Variants in RANBP2 observed in about 807,000 individuals in gnomAD.
RANBP2 encodes the protein RAN binding protein 2.
RANBP2 carries 57 observed loss-of-function variants against 303.6 expected under a neutral mutation model. The observed-to-expected ratio is 0.19, with a 90% CI of 0.15 to 0.23. The LOEUF (loss-of-function observed/expected upper bound fraction) is 0.23, where lower values mean the gene tolerates loss of function less well. Among genes scored for constraint, RANBP2 ranks in the 10% least tolerant of loss-of-function variants. RANBP2 has a pLI of 1.00. For synonymous variants in RANBP2, 1,167 were observed against 1,301.5 expected (o/e 0.90, Z 2.23); for missense variants, 3,138 against 3,780.8 (o/e 0.83, Z 4.46).
chr2:109,016,227 G>A, the RANBP2 span, among the ~76,000 whole-genome samples: 1 of 151,852 alleles, frequency 6.6e-6, no homozygotes, highest in Non-Finnish European at 1.5e-5. Context: ...GACTACAGGC[G>A]CCGGCCACCA....
the RANBP2 span, among the ~76,000 whole-genome samples, chr2:109,726,099 T>TGTG: frequency 5.7e-4 from 38 of 66,106 alleles, no homozygotes; most frequent in South Asian, 1.1e-3. Flanking sequence ...GTGTGTGTGT[T>TGTG]TGTGTTTTCC....
the RANBP2 span, among the ~76,000 whole-genome samples, chr2:109,248,929 C>CTTGCT: frequency 6.6e-6 from 1 of 150,894 alleles, no homozygotes; most frequent in African/African-American, 2.4e-5. Flanking sequence ...CCTGTCCTGT[C>CTTGCT]CTGTCTTGCT....
At chr2:109,243,053 A>G in the RANBP2 span, among the ~76,000 whole-genome samples, 1 of 152,344 alleles carries the variant, frequency 6.6e-6, no homozygotes, top group South Asian at 2.1e-4. Context: ...ATTTGTGAGA[A>G]CAATGAAATC....
the RANBP2 span, among the ~76,000 whole-genome samples, chr2:109,475,009 C>T: frequency 2.6e-4 from 40 of 152,046 alleles, no homozygotes; most frequent in African/African-American, 8.7e-4. Flanking sequence ...GACGGAGTCT[C>T]GCTGTGTCAC....
chr2:109,297,708 GC>G, the RANBP2 span, among the ~76,000 whole-genome samples: 1 of 143,962 alleles, frequency 6.9e-6, no homozygotes, highest in South Asian at 2.2e-4. Context: ...TTCTGCCCAT[GC>G]CCCCCAACTG....
At chr2:109,454,826 A>C in the RANBP2 span, among the ~76,000 whole-genome samples, 2 of 152,088 alleles carry the variant, frequency 1.3e-5, no homozygotes, top group Non-Finnish European at 2.9e-5. Context: ...AGCCCATAGA[A>C]GGCACCTGGT....
At chr2:108,861,472 C>CTTTTTTTTTTTTTTTTT in the RANBP2 span, among the ~76,000 whole-genome samples, 8 of 123,518 alleles carry the variant, frequency 6.5e-5, 2 homozygotes, top group African/African-American at 1.9e-4. Flanking sequence ...AACTTTCTTC[C>CTTTTTTTTTTTTTTTTT]TTTTTTTTTT....
the RANBP2 span, among the ~76,000 whole-genome samples, chr2:108,912,379 T>G: frequency 6.6e-6 from 1 of 152,200 alleles, no homozygotes; most frequent in African/African-American, 2.4e-5. Flanking sequence ...CCAGGACGCC[T>G]GGTCTCTCCT....
chr2:109,335,789 T>G, the RANBP2 span, among the ~76,000 whole-genome samples: 1 of 152,224 alleles, frequency 6.6e-6, no homozygotes, highest in Non-Finnish European at 1.5e-5. Context: ...ATAAATGTCC[T>G]AAAACCACTT....
chr2:108,772,797 A>G, intron 22 of RANBP2, 71 bp from the exon 23 acceptor site: 1 of 1,503,536 alleles, frequency 6.7e-7, no homozygotes, highest in East Asian at 2.3e-5. Flanking sequence ...GATTATGTTG[A>G]TGACTACCAT....
chr2:108,914,089 C>T, the RANBP2 span, among the ~76,000 whole-genome samples: 4 of 151,726 alleles, frequency 2.6e-5, no homozygotes, highest in Non-Finnish European at 5.9e-5. Flanking sequence ...GGTGAAACCG[C>T]ATCTCTACTG....
chr2:108,773,663 G>C lies in RANBP2; in HGVS notation c.8292+617G>C, dbSNP rs186410598. Among the ~76,000 whole-genome samples, 487 of 149,928 alleles carry C rather than the reference G, an allele frequency of 3.2e-3. 3 individuals are homozygous for C. Among genetic ancestry groups the C allele is most frequent in the African/African-American group, 0.011 (457 of 40,826 alleles). On this transcript the variant is annotated intron_variant, in intron 23 of 28. Coordinates refer to ENST00000283195, the MANE Select transcript of RANBP2 (RefSeq NM_006267.5). ...CTCCAGGAATTTTTTTTTTTTTTGG[G>C]GGGGGATGGAGTTTCGCTCTGTCGC...
At chr2:109,288,634 T>C in the RANBP2 span, among the ~76,000 whole-genome samples, 7 of 152,254 alleles carry the variant, frequency 4.6e-5, no homozygotes, top group Non-Finnish European at 8.8e-5. Context: ...CAAGTCATTG[T>C]CACCCAAGGA....
chr2:108,755,042 G>T lies in RANBP2; in HGVS notation c.2340G>T (p.Pro780=), dbSNP rs2912839. 204 of 1,611,808 alleles carry T rather than the reference G, an allele frequency of 1.3e-4. 1 individual carries two copies. The South Asian group carries it at 2.0e-3, about 16-fold the overall frequency. ...NADSEIKHST[P]SPTRYSLSPS... ...ATTCAGAAATAAAACATTCTACACC[G>T]TCTCCTACCAGATATTCACTATCAC... The change falls in exon 16 of 29, where the codon CCG becomes CCT. Residue 780 remains proline (P), a synonymous_variant. Coordinates refer to ENST00000283195, the MANE Select transcript of RANBP2 (RefSeq NM_006267.5).
chr2:108,970,957 T>C, the RANBP2 span, among the ~76,000 whole-genome samples: 1 of 152,144 alleles, frequency 6.6e-6, no homozygotes, highest in African/African-American at 2.4e-5. Context: ...ACAACCTAAT[T>C]TGTGGAAGAC....
the RANBP2 span, chr2:109,544,812 A>G: frequency 1.3e-6 from 1 of 744,770 alleles, no homozygotes; most frequent in Non-Finnish European, 1.6e-6. Context: ...CCTACTATGT[A>G]CCAGACAACT....
the RANBP2 span, among the ~76,000 whole-genome samples, chr2:108,938,842 T>C: frequency 2.5e-5 from 3 of 119,238 alleles, no homozygotes; most frequent in African/African-American, 9.7e-5. Context: ...GGCAGTGGCA[T>C]GATCTTGGCT....
chr2:109,270,527 C>T, the RANBP2 span, among the ~76,000 whole-genome samples: 2 of 152,164 alleles, frequency 1.3e-5, no homozygotes, highest in Non-Finnish European at 2.9e-5. Flanking sequence ...TAGAACCCAT[C>T]CATTCCTCTG....
chr2:108,720,470 C>G (rs1354786901), intron 1 of RANBP2, among the ~76,000 whole-genome samples: 5 of 152,094 alleles, frequency 3.3e-5, no homozygotes, highest in Non-Finnish European at 7.4e-5. Context: ...ATAATGTGAT[C>G]TATTTTGGAT....
Sources: allele counts gnomAD v4.1 joint callset (sites outside exome capture counted in the v4.1 genomes callset), GRCh38; gene constraint gnomAD v4.1.1; transcripts MANE v1.5; gene names NCBI Gene and HGNC (gene_info 2026-07-23, HGNC 2026-07-21).